ARHGAP15: variants seen among roughly 807,000 people sequenced by gnomAD.
ARHGAP15 encodes rho GTPase-activating protein 15.
In ARHGAP15, 51 loss-of-function variants were observed where a neutral mutation model predicts 63.7. The ratio of observed to expected loss-of-function variants is 0.80; its 90% CI spans 0.64 to 1.01. The LOEUF is 1.01. Among genes scored for constraint, ARHGAP15 ranks in the 50% least tolerant of loss-of-function variants. The pLI is 0.00. For synonymous variants in ARHGAP15, 191 were observed against 193.8 expected (o/e 0.99, Z 0.12); for missense variants, 560 against 564.6 (o/e 0.99, Z 0.08).
chr2:143,747,830 T>C (rs934181360), intron 13 of ARHGAP15, among the ~76,000 whole-genome samples: 19 of 152,312 alleles, frequency 1.2e-4, no homozygotes, highest in African/African-American at 4.6e-4. Flanking sequence ...AAAACAAAAA[T>C]TTTTAAACTT....
intron 12 of ARHGAP15, among the ~76,000 whole-genome samples, chr2:143,701,941 C>A (rs1684108381): frequency 6.6e-6 from 1 of 152,148 alleles, no homozygotes; most frequent in Non-Finnish European, 1.5e-5. Flanking sequence ...TACATGCTCT[C>A]CCAGAAGGCC....
At chr2:143,407,695 A>T (rs1688261959) in intron 6 of ARHGAP15, among the ~76,000 whole-genome samples, 1 of 150,874 alleles carries the variant, frequency 6.6e-6, no homozygotes, top group Non-Finnish European at 1.5e-5. Flanking sequence ...CATTTTTTTT[A>T]TTTTGTGTAT....
chr2:143,738,797 T>TATGTCCTTAACGCCAGGTTAA (rs1161420548), intron 13 of ARHGAP15, among the ~76,000 whole-genome samples: 1 of 152,188 alleles, frequency 6.6e-6, no homozygotes, highest in East Asian at 1.9e-4. Flanking sequence ...CACAGACTGA[T>TATGTCCTTAACGCCAGGTTAA]ATGTCCTTAA....
intron 5 of ARHGAP15, among the ~76,000 whole-genome samples, chr2:143,234,718 T>C (rs1693573794): frequency 6.6e-6 from 1 of 152,228 alleles, no homozygotes; most frequent in African/African-American, 2.4e-5. Context: ...TCTCCCTTAT[T>C]CTTTATAACA....
intron 6 of ARHGAP15, among the ~76,000 whole-genome samples, chr2:143,313,783 G>A (rs954155769): frequency 1.3e-5 from 2 of 152,022 alleles, no homozygotes; most frequent in Non-Finnish European, 2.9e-5. Flanking sequence ...CCACATTGTC[G>A]TTTCTTTAAT....
chr2:143,408,033 C>G (rs1319531406), intron 6 of ARHGAP15, among the ~76,000 whole-genome samples: 2 of 60,438 alleles, frequency 3.3e-5, no homozygotes, highest in Non-Finnish European at 7.7e-5. Context: ...ATATATATAT[C>G]CTTTTTCCTC....
intron 12 of ARHGAP15, among the ~76,000 whole-genome samples, chr2:143,629,202 CCATTAATAT>C (rs1698966152): frequency 1.3e-5 from 2 of 151,756 alleles, no homozygotes; most frequent in Admixed American, 1.3e-4. Flanking sequence ...AAAAAAAACC[CCATTAATAT>C]CATAAGACCC....
chr2:143,735,254 A>C (rs1209042998), intron 13 of ARHGAP15, among the ~76,000 whole-genome samples: 1 of 152,200 alleles, frequency 6.6e-6, no homozygotes, highest in African/African-American at 2.4e-5. Context: ...AGAAATGCTA[A>C]GTTTAGTGCA....
chr2:143,241,347 A>T (rs1693852837), intron 5 of ARHGAP15, among the ~76,000 whole-genome samples: 1 of 152,248 alleles, frequency 6.6e-6, no homozygotes. Flanking sequence ...CTCAACTGCA[A>T]TATGACATTA....
intron 8 of ARHGAP15, among the ~76,000 whole-genome samples, chr2:143,482,402 G>A (rs886517110): frequency 3.7e-4 from 56 of 152,308 alleles, no homozygotes; most frequent in African/African-American, 1.3e-3. Flanking sequence ...ACCACACTGT[G>A]TATTTTCCAG....
intron 11 of ARHGAP15, among the ~76,000 whole-genome samples, chr2:143,588,274 G>A (rs1323700868): frequency 6.6e-6 from 1 of 152,034 alleles, no homozygotes; most frequent in Non-Finnish European, 1.5e-5. Flanking sequence ...CCTAATATTG[G>A]AGAAAATTTA....
intron 10 of ARHGAP15, among the ~76,000 whole-genome samples, chr2:143,538,825 A>G (rs1449816922): frequency 6.6e-6 from 1 of 152,190 alleles, no homozygotes; most frequent in African/African-American, 2.4e-5. Context: ...CATCAAGGAT[A>G]TTGGTCTAAA....
chr2:143,141,443 A>G (rs1016155311), intron 1 of ARHGAP15, among the ~76,000 whole-genome samples: 3 of 152,156 alleles, frequency 2.0e-5, no homozygotes, highest in African/African-American at 7.2e-5. Context: ...AGGAGCCCAC[A>G]GTCAATTTGG....
At chr2:143,747,818 TAAAAAC>T (rs1044809717) in intron 13 of ARHGAP15, among the ~76,000 whole-genome samples, 2 of 152,222 alleles carry the variant, frequency 1.3e-5, no homozygotes, top group South Asian at 2.1e-4. Context: ...ATCTTTAACT[TAAAAAC>T]AAAAATTTTT....
At chr2:143,678,043 A>G (rs763807955) in intron 12 of ARHGAP15, among the ~76,000 whole-genome samples, 11 of 152,130 alleles carry the variant, frequency 7.2e-5, no homozygotes, top group Non-Finnish European at 1.5e-4. Context: ...CCCTGTGTCT[A>G]TTATACAAAA....
chr2:143,255,441 A>C (rs561322311), intron 6 of ARHGAP15, among the ~76,000 whole-genome samples: 12 of 152,184 alleles, frequency 7.9e-5, no homozygotes, highest in Non-Finnish European at 1.6e-4. Flanking sequence ...TACTTCTCTG[A>C]CTTTGGATGG....
chr2:143,518,684 G>T (rs1693929712), intron 9 of ARHGAP15, among the ~76,000 whole-genome samples: 1 of 152,164 alleles, frequency 6.6e-6, no homozygotes, highest in Admixed American at 6.5e-5. Flanking sequence ...GAGATAGGAA[G>T]GAGTTAGTGA....
Position 143,506,280 on chromosome 2 carries a change from T to C in ARHGAP15, c.827-12986T>C, listed in dbSNP as rs528240874. On this transcript the variant is annotated intron_variant, in intron 9 of 13. Transcript: ENST00000295095. ...GCTTTAGTCCATATAAGTTGTGCCT[T>C]AAAGATAAATCATTTAGTATTTTTA... is the stretch of plus-strand genomic sequence containing the variant. 2.2e-4 allele frequency among the ~76,000 whole-genome samples: 33 copies of C among 152,356 alleles called. 1 individual carries two copies. Among genetic ancestry groups the C allele is most frequent in the Middle Eastern group, 3.4e-3 (1 of 294 alleles).
At chr2:143,367,490 T>A (rs1686345968) in intron 6 of ARHGAP15, among the ~76,000 whole-genome samples, 1 of 152,064 alleles carries the variant, frequency 6.6e-6, no homozygotes, top group South Asian at 2.1e-4. Context: ...TGATTATTTT[T>A]GTATTTTCTT....
Sources: allele counts gnomAD v4.1 joint callset (sites outside exome capture counted in the v4.1 genomes callset), GRCh38; gene constraint gnomAD v4.1.1; transcripts MANE v1.5; gene names NCBI Gene and HGNC (gene_info 2026-07-23, HGNC 2026-07-21).